Variants in PLCL2 observed in about 807,000 individuals in gnomAD.
PLCL2 encodes the protein phospholipase C like 2.
In PLCL2, 4 loss-of-function variants were observed where a neutral mutation model predicts 79.6. That is an observed-to-expected ratio of 0.05 (90% CI 0.02 to 0.11). The LOEUF is 0.11. Ranked by LOEUF, PLCL2 falls within the 10% of genes least tolerant of loss-of-function variation. The pLI, the probability that PLCL2 is intolerant of heterozygous loss-of-function variation, is 1.00. For missense variants in PLCL2, 895 were observed against 1,291.0 expected (o/e 0.69, Z 4.70); for synonymous variants, 484 against 457.7 (o/e 1.06, Z -0.73).
At chr3:16,980,737 G>A (rs1017306761) in intron 1 of PLCL2, among the ~76,000 whole-genome samples, 5 of 152,198 alleles carry the variant, frequency 3.3e-5, no homozygotes, top group Admixed American at 6.5e-5. Context: ...ACGGGGTGGC[G>A]GCCGGGCAGA....
chr3:17,042,603 C>G (rs755346822), intron 3 of PLCL2: 1 of 272,186 alleles, frequency 3.7e-6, no homozygotes, highest in Non-Finnish European at 7.0e-6. Context: ...GAACTCAGTT[C>G]AGTATATTAG....
chr3:16,977,131 C>CAATA (rs1553640623), intron 1 of PLCL2, among the ~76,000 whole-genome samples: 1 of 152,098 alleles, frequency 6.6e-6, no homozygotes, highest in Non-Finnish European at 1.5e-5. Flanking sequence ...CACACACACA[C>CAATA]AATACATATA....
intron 3 of PLCL2, chr3:17,035,640 A>T (rs530450002): frequency 4.0e-5 from 14 of 347,452 alleles, no homozygotes; most frequent in Middle Eastern, 6.4e-4. Flanking sequence ...CTGAAATTTT[A>T]CTTTGTTCAT....
At chr3:17,066,523 G>A (rs1000671510) in intron 4 of PLCL2, among the ~76,000 whole-genome samples, 5 of 152,212 alleles carry the variant, frequency 3.3e-5, no homozygotes, top group Admixed American at 1.3e-4. Flanking sequence ...AAGTTGGAAT[G>A]CCCAACTGAA....
chr3:16,996,906 T>A (rs974541622), intron 1 of PLCL2, among the ~76,000 whole-genome samples: 1 of 152,224 alleles, frequency 6.6e-6, no homozygotes, highest in Non-Finnish European at 1.5e-5. Context: ...GTCCTTGTAC[T>A]ATCAACTTTG....
At chr3:17,086,252 C>T (rs1037736075) in intron 5 of PLCL2, among the ~76,000 whole-genome samples, 1 of 152,124 alleles carries the variant, frequency 6.6e-6, no homozygotes, top group Non-Finnish European at 1.5e-5. Flanking sequence ...ATCAGCAGAA[C>T]AGGATAGAAG....
At chr3:16,910,545 C>G (rs1377337410) in intron 1 of PLCL2, among the ~76,000 whole-genome samples, 1 of 152,096 alleles carries the variant, frequency 6.6e-6, no homozygotes, top group East Asian at 1.9e-4. Flanking sequence ...TGTTTGCTTG[C>G]AGCATTGGAG....
chr3:17,064,506 G>T (rs1376899433), intron 4 of PLCL2, among the ~76,000 whole-genome samples: 1 of 152,126 alleles, frequency 6.6e-6, no homozygotes, highest in Admixed American at 6.5e-5. Flanking sequence ...TGAAGTGCCT[G>T]GTAAGTTGCC....
At chr3:16,967,227 A>G (rs2063816659) in intron 1 of PLCL2, among the ~76,000 whole-genome samples, 1 of 152,058 alleles carries the variant, frequency 6.6e-6, no homozygotes, top group African/African-American at 2.4e-5. Context: ...GCAGTGAACA[A>G]ACACATGCAT....
intron 1 of PLCL2, among the ~76,000 whole-genome samples, chr3:16,928,172 A>G (rs770849003): frequency 5.9e-5 from 9 of 152,190 alleles, no homozygotes; most frequent in Non-Finnish European, 1.2e-4. Flanking sequence ...GATACACAGG[A>G]TAGGCAGATG....
At chr3:16,910,467 A>C (rs959724335) in intron 1 of PLCL2, among the ~76,000 whole-genome samples, 1 of 150,702 alleles carries the variant, frequency 6.6e-6, no homozygotes, top group Non-Finnish European at 1.5e-5. Context: ...AGGGCTCCCT[A>C]CTCTCCCAGT....
intron 4 of PLCL2, among the ~76,000 whole-genome samples, chr3:17,054,599 C>A (rs2064875204): frequency 6.6e-6 from 1 of 151,912 alleles, no homozygotes; most frequent in Non-Finnish European, 1.5e-5. Flanking sequence ...TGGGGAGGTG[C>A]CATACATTTT....
At chr3:16,911,185 G>A (rs993394567) in intron 1 of PLCL2, among the ~76,000 whole-genome samples, 14 of 151,242 alleles carry the variant, frequency 9.3e-5, no homozygotes, top group Non-Finnish European at 1.8e-4. Context: ...CCCGGGGGGC[G>A]GAGGTTGTAG....
chr3:16,890,601 G>A (rs908068150), intron 1 of PLCL2, among the ~76,000 whole-genome samples: 6 of 152,142 alleles, frequency 3.9e-5, no homozygotes, highest in Non-Finnish European at 7.4e-5. Context: ...TTAATACTAA[G>A]TTTTGGATGC....
At chr3:16,997,429 T>A (rs7646721) in intron 1 of PLCL2, among the ~76,000 whole-genome samples, 1,129 of 102,160 alleles carry the variant, frequency 0.011, 15 homozygotes, top group African/African-American at 0.033. Flanking sequence ...TTATGAGTGT[T>A]TTGTAGAAAG....
intron 5 of PLCL2, among the ~76,000 whole-genome samples, chr3:17,070,805 T>C (rs1478800416): frequency 6.6e-6 from 1 of 152,028 alleles, no homozygotes; most frequent in Non-Finnish European, 1.5e-5. Flanking sequence ...TGGCCAGCAG[T>C]AAACACACAG....
chr3:17,085,077 T>G (rs1033115267), intron 5 of PLCL2, among the ~76,000 whole-genome samples: 11 of 152,098 alleles, frequency 7.2e-5, no homozygotes, highest in Non-Finnish European at 1.2e-4. Flanking sequence ...TAATGAGCAA[T>G]TATGGCAGGG....
At chr3:16,907,802 G>T (rs1224668153) in intron 1 of PLCL2, among the ~76,000 whole-genome samples, 3 of 152,078 alleles carry the variant, frequency 2.0e-5, no homozygotes, top group Non-Finnish European at 4.4e-5. Flanking sequence ...TTTACTTCAG[G>T]AGTTGTGCCC....
At chr3:17,048,667 C>T (rs1559531502) in intron 4 of PLCL2, among the ~76,000 whole-genome samples, 1 of 152,210 alleles carries the variant, frequency 6.6e-6, no homozygotes, top group Non-Finnish European at 1.5e-5. Flanking sequence ...TAGCCACCTC[C>T]TGTTGCTGTT....
Sources: allele counts gnomAD v4.1 joint callset (sites outside exome capture counted in the v4.1 genomes callset), GRCh38; gene constraint gnomAD v4.1.1; transcripts MANE v1.5; gene names NCBI Gene and HGNC (gene_info 2026-07-23, HGNC 2026-07-21).